Variants in GLP2R observed in about 807,000 individuals in gnomAD.
GLP2R encodes glucagon like peptide 2 receptor, also known as glucagon-like peptide 2 receptor.
In GLP2R, 59 loss-of-function variants were observed where a neutral mutation model predicts 68.2. That is an observed-to-expected ratio of 0.87 (90% CI 0.70 to 1.07). GLP2R has a LOEUF of 1.07. GLP2R is among the 50% of genes least tolerant of loss of function. The pLI is 0.00. For synonymous variants in GLP2R, 270 were observed against 265.4 expected (o/e 1.02, Z -0.17); for missense variants, 548 against 677.4 (o/e 0.81, Z 2.12).
In GLP2R at chr17:9,842,558, C is replaced by A; in HGVS notation, c.446C>A (p.Ala149Asp). 6.2e-7 allele frequency: 1 copy of A among 1,614,008 alleles called. No individual in the cohort carries two copies. The highest frequency in any genetic ancestry group is 8.5e-7 in the Non-Finnish European group (1 of 1,179,964). The change falls in exon 4 of 13, where the codon GCC (alanine) becomes GAC (aspartate). Residue 149 changes from alanine to aspartate, a missense_variant. Transcript: ENST00000262441. ...GGGACTTGGCAGACGATAGAGAACG[C>A]CACGGATATTTGGCAGGATGACTCC... ...AQGTWQTIEN[A>D]TDIWQDDSEC...
intron 11 of GLP2R, among the ~76,000 whole-genome samples, chr17:9,883,774 T>C (rs925779698): frequency 1.3e-5 from 2 of 152,116 alleles, no homozygotes; most frequent in Admixed American, 6.5e-5. Flanking sequence ...TGTTTCAAGA[T>C]AAAGGTGAAA....
chr17:9,826,991 C>T (rs1378656687), intron 1 of GLP2R, among the ~76,000 whole-genome samples: 1 of 152,140 alleles, frequency 6.6e-6, no homozygotes, highest in Non-Finnish European at 1.5e-5. Context: ...CCTGCCTCAG[C>T]CTCCTGAGTA....
intron 1 of GLP2R, 107 bp from the exon 2 acceptor site, chr17:9,833,700 C>T (rs2066701593): frequency 3.0e-6 from 2 of 675,310 alleles, no homozygotes; most frequent in African/African-American, 1.8e-5. Flanking sequence ...TTGCTGTGGG[C>T]CATTGTGGGC....
intron 11 of GLP2R, among the ~76,000 whole-genome samples, chr17:9,882,251 C>T (rs2067203739): frequency 6.6e-6 from 1 of 152,178 alleles, no homozygotes; most frequent in African/African-American, 2.4e-5. Flanking sequence ...AACTCTCATC[C>T]TTGGGCATTG....
At chr17:9,842,080 T>G (rs187670858) in intron 3 of GLP2R, among the ~76,000 whole-genome samples, 1 of 144,728 alleles carries the variant, frequency 6.9e-6, no homozygotes, top group Non-Finnish European at 1.5e-5. Flanking sequence ...CATGCATGGA[T>G]GGCGCATCCG....
chr17:9,847,820 G>T (rs2066855235), intron 4 of GLP2R, among the ~76,000 whole-genome samples: 1 of 152,122 alleles, frequency 6.6e-6, no homozygotes, highest in South Asian at 2.1e-4. Flanking sequence ...TCAGAGCCTC[G>T]TGGGTGTTGG....
rs1597391588 is a variant in GLP2R, at chr17:9,860,015, T to C, written c.839T>C (p.Val280Ala). ...GGTGCCAATTACTTATGGCTGCTGG[T>C]TGAAGGCCTCTACCTCCACACGCTG... Reference protein sequence around the residue: ...FVGANYLWLLVEGLYLHTLLE... With the variant: ...FVGANYLWLLAEGLYLHTLLE... The change falls in exon 7 of 13, where the codon GTT (valine) becomes GCT (alanine). Residue 280 changes from valine to alanine, a missense_variant. Coordinates refer to ENST00000262441, the MANE Select transcript of GLP2R (RefSeq NM_004246.3). 1 of 1,613,534 alleles carries C rather than the reference T, an allele frequency of 6.2e-7. No homozygotes were observed. The highest frequency in any genetic ancestry group is 8.5e-7 in the Non-Finnish European group (1 of 1,179,924).
At chr17:9,847,207 T>C (rs1268514425) in intron 4 of GLP2R, among the ~76,000 whole-genome samples, 1 of 152,228 alleles carries the variant, frequency 6.6e-6, no homozygotes, top group Non-Finnish European at 1.5e-5. Context: ...GTGATGAATT[T>C]GGAGTATTTA....
In GLP2R at chr17:9,857,706, G is replaced by A. The variant is rs1367327685; in HGVS notation, c.765+130G>A. 6 of 877,902 alleles carry A rather than the reference G, an allele frequency of 6.8e-6. No homozygotes were observed. The African/African-American group carries it at 1.0e-4, about 15-fold the overall frequency. 54.4% of individuals were successfully genotyped at this position (877,902 alleles called of 1,614,324 possible). A position where few individuals can be genotyped will look rare whatever the true frequency, so the allele number is the denominator to read the frequency against. On this transcript the variant is annotated intron_variant, in intron 6 of 12. Transcript: ENST00000262441. Reference sequence around the variant, plus strand: ...GAGGGTTTCCAAGACTTTCTGGCTAGAGAAGTAGTACGTGACTTAACAAAA... The same window carrying A: ...GAGGGTTTCCAAGACTTTCTGGCTAAAGAAGTAGTACGTGACTTAACAAAA...
chr17:9,862,840 G>T (rs61082037), intron 9 of GLP2R, among the ~76,000 whole-genome samples: 1 of 152,184 alleles, frequency 6.6e-6, no homozygotes, highest in Admixed American at 6.5e-5. Context: ...TGCCCACCCT[G>T]TTCCCCAAGG....
At chr17:9,867,029 C>T (rs2067044922) in intron 9 of GLP2R, 1 of 152,192 alleles carries the variant, frequency 6.6e-6, no homozygotes, top group Non-Finnish European at 1.5e-5. Context: ...CACATATGTT[C>T]TACTTAAACT....
intron 1 of GLP2R, among the ~76,000 whole-genome samples, chr17:9,831,106 G>A (rs560434673): frequency 6.6e-6 from 1 of 152,192 alleles, no homozygotes; most frequent in Non-Finnish European, 1.5e-5. Flanking sequence ...CTGTGTGATT[G>A]TTGCTGCACT....
chr17:9,851,249 A>T (rs1206793396), intron 4 of GLP2R, among the ~76,000 whole-genome samples: 1 of 152,046 alleles, frequency 6.6e-6, no homozygotes, highest in Non-Finnish European at 1.5e-5. Flanking sequence ...TAATGTCTTG[A>T]TATGCCACAG....
intron 9 of GLP2R, among the ~76,000 whole-genome samples, chr17:9,863,061 T>C (rs1033454780): frequency 6.6e-6 from 1 of 152,166 alleles, no homozygotes; most frequent in Non-Finnish European, 1.5e-5. Context: ...GTGTCATCTC[T>C]GGTCTATGAG....
intron 9 of GLP2R, 112 bp downstream of exon 9, chr17:9,862,202 G>A: frequency 1.3e-6 from 1 of 752,996 alleles, no homozygotes; most frequent in Non-Finnish European, 2.3e-6. Flanking sequence ...AGAGAGAGAA[G>A]CTGAACTATG....
intron 10 of GLP2R, among the ~76,000 whole-genome samples, 197 bp from the exon 11 acceptor site, chr17:9,880,181 A>G (rs1478958232): frequency 6.6e-6 from 1 of 152,228 alleles, no homozygotes; most frequent in Non-Finnish European, 1.5e-5. Context: ...AGCATTCCCC[A>G]TGCGTCAAGT....
At chr17:9,866,223 C>T (rs1021641209) in intron 9 of GLP2R, 7 of 231,058 alleles carry the variant, frequency 3.0e-5, no homozygotes, top group Non-Finnish European at 6.0e-5. Context: ...GAGTTGGCCT[C>T]TCTGGGCCTC....
At chr17:9,845,587 A>T (rs926582733) in intron 4 of GLP2R, among the ~76,000 whole-genome samples, 2 of 152,026 alleles carry the variant, frequency 1.3e-5, no homozygotes, top group African/African-American at 2.4e-5. Flanking sequence ...TTCTTTTCAG[A>T]CTATCTTCCC....
chr17:9,874,807 G>A (rs967453086), intron 10 of GLP2R, among the ~76,000 whole-genome samples: 2 of 152,300 alleles, frequency 1.3e-5, no homozygotes, highest in East Asian at 1.9e-4. Context: ...TCCAAAGAAC[G>A]TTACTGGTGA....
Sources: gnomAD v4.1 joint callset for allele counts (sites outside exome capture counted in the v4.1 genomes callset) on GRCh38, gnomAD v4.1.1 for gene constraint, MANE v1.5 for transcripts, NCBI Gene and HGNC (gene_info 2026-07-23, HGNC 2026-07-21) for gene names.